Variants in NYNRIN observed in about 807,000 individuals in gnomAD.
The protein encoded by NYNRIN is protein NYNRIN.
NYNRIN carries 86 observed loss-of-function variants against 146.6 expected under a neutral mutation model. That is an observed-to-expected ratio of 0.59 (90% CI 0.49 to 0.70). The LOEUF (loss-of-function observed/expected upper bound fraction) is 0.70. NYNRIN is among the 30% of genes least tolerant of loss of function. The probability of loss-of-function intolerance (pLI) is 0.00; values close to 1 mark genes in which losing one functional copy is unlikely to be tolerated. For missense variants in NYNRIN, 2,191 were observed against 2,377.7 expected, an observed-to-expected ratio of 0.92 and a Z score of 1.63; for synonymous variants, 1,027 against 1,001.3, an observed-to-expected ratio of 1.03 and a Z score of -0.48.
Position 24,407,987 on chromosome 14 carries a change from C to A in NYNRIN, c.317C>A (p.Thr106Asn). The change falls in exon 3 of 9, where the codon ACC (threonine) becomes AAC (asparagine). Residue 106 changes from threonine (T) to asparagine (N), a missense_variant. Thr to Asn is a moderately conservative substitution (Grantham distance 65). Coordinates refer to ENST00000382554, the MANE Select transcript of NYNRIN (RefSeq NM_025081.3). ...TTCCTGGACTGCCTCTGCTGGAGCACCCTTGCCTACCTGGTGCCTGGCCCC... is the reference window on the plus strand; with the variant it reads ...TTCCTGGACTGCCTCTGCTGGAGCAACCTTGCCTACCTGGTGCCTGGCCCC... ...GLFLDCLCWS[T>N]LAYLVPGPPG... The A allele has an allele frequency of 6.2e-7, 1 of 1,614,052 alleles. No homozygotes were observed. The highest frequency in any genetic ancestry group is 8.5e-7 in the Non-Finnish European group (1 of 1,179,896).
Position 24,417,579 on chromosome 14 carries a change from G to C in NYNRIN, c.*133G>C. The stretch of plus-strand genomic sequence containing the variant: ...TTTTGTAGAGAACTTGCTTCATAAA[G>C]CTTTGCTGAATTGCCTTGAACTAGG... On this transcript the variant is annotated 3_prime_UTR_variant, in exon 9 of 9. Transcript: ENST00000382554. The C allele has an allele frequency of 7.9e-7, 1 of 1,272,868 alleles. No homozygotes were observed. The allele number at this position is 1,272,868 out of a possible 1,614,324, so 78.8% of individuals were successfully genotyped here.
rs2042936512 is a variant in NYNRIN, at chr14:24,415,175, GC to G, written c.3427del (p.Arg1143GlufsTer9). 1 of 1,607,964 alleles carries G rather than the reference GC, an allele frequency of 6.2e-7. No individual in the cohort carries two copies. Among genetic ancestry groups the G allele is most frequent in the Non-Finnish European group, 8.5e-7 (1 of 1,179,434 alleles). On this transcript the variant is annotated frameshift_variant, in exon 9 of 9. Transcript: ENST00000382554. LOFTEE classifies it high-confidence loss of function. ...ATGAGGAGGCCTTCCTGGCCCTGAA[GC>G]GAGCCCTGGTGTCTGCCCTCTGCCT... ...EHEEAFLALK[R>X]ALVSALCLMA...
At position 24,416,125 on chromosome 14, in the gene NYNRIN, C is replaced by T. The variant is rs1188878801; in HGVS notation, c.4376C>T (p.Pro1459Leu). The part of the protein sequence containing the change: ...AQGGGQWWSL[P>L]KDVPAPTVSP... ...GGGGGTGGGCAGTGGTGGAGTTTGCCAAAGGATGTGCCAGCCCCTACAGTG... is the reference window on the plus strand; with the variant it reads ...GGGGGTGGGCAGTGGTGGAGTTTGCTAAAGGATGTGCCAGCCCCTACAGTG... Residue 1459 changes from proline (P) to leucine (L), a missense_variant, in exon 9 of 9, where the codon CCA becomes CTA. Coordinates refer to ENST00000382554, the MANE Select transcript of NYNRIN (RefSeq NM_025081.3). The T allele has an allele frequency of 1.9e-6, 3 of 1,613,994 alleles. No individual in the cohort carries two copies. The highest frequency in any genetic ancestry group is 2.7e-5 in the African/African-American group (2 of 75,042).
In NYNRIN at chr14:24,408,033, C is replaced by A; in HGVS notation, c.363C>A (p.Gly121=). 1.2e-6 allele frequency: 2 copies of A among 1,613,970 alleles called. No individual in the cohort carries two copies. The highest frequency in any genetic ancestry group is 1.7e-6 in the Non-Finnish European group (2 of 1,179,886). The change falls in exon 3 of 9, where the codon GGC becomes GGA. Residue 121 remains glycine (G), a synonymous_variant. Coordinates refer to ENST00000382554, the MANE Select transcript of NYNRIN (RefSeq NM_025081.3). ...GCCCCCCTGGCTCCCTGATGGTGGG[C>A]GGGCTGACTGAGTCTTTCATCATGA... ...VPGPPGSLMV[G]GLTESFIMTQ...
Position 24,410,080 on chromosome 14 carries a change from C to G in NYNRIN, c.2286C>G (p.Asn762Lys). The change falls in exon 4 of 9, where the codon AAC becomes AAG. Residue 762 changes from asparagine (N) to lysine (K), a missense_variant. Coordinates refer to ENST00000382554, the MANE Select transcript of NYNRIN (RefSeq NM_025081.3). ...AGCCACCTCGCCACCTGCAAGCGAA[C>G]AGCACAGTGACCAGCTTCCAGAGGT... ...PRQPPRHLQA[N>K]STVTSFQRYH... 6.2e-7 allele frequency: 1 copy of G among 1,614,008 alleles called. No individual in the cohort carries two copies. The highest frequency in any genetic ancestry group is 8.5e-7 in the Non-Finnish European group (1 of 1,179,906).
rs183905931 is a variant in NYNRIN at position 24,411,448 on chromosome 14, T to C, written c.2640T>C (p.Tyr880=). Residue 880 remains tyrosine, a splice_region_variant and synonymous_variant, in exon 6 of 9, where the codon TAT becomes TAC. Transcript: ENST00000382554. The surrounding 1 kb of genome is among the most constrained non-coding windows in gnomAD (Gnocchi z 4.3). ...ENGKKITTYD[Y]RFMVKLAEET... ...GCAAGAAGATCACCACCTACGATTA[T>C]AGGTGTGCCGGTCCCCAGGCCTGCC... is the stretch of plus-strand genomic sequence containing the variant. 2 of 1,613,238 alleles carry C rather than the reference T, an allele frequency of 1.2e-6. No individual in the cohort carries two copies. Among genetic ancestry groups the C allele is most frequent in the Admixed American group, 1.7e-5 (1 of 60,022 alleles).
At chr14:24,406,611 G>A (rs911204339) in intron 2 of NYNRIN, among the ~76,000 whole-genome samples, 7 of 152,246 alleles carry the variant, frequency 4.6e-5, no homozygotes, top group African/African-American at 1.7e-4. Context: ...GGGACACGTA[G>A]GCCTGAGCCG....
intron 7 of NYNRIN, 62 bp from the exon 8 acceptor site, chr14:24,413,254 C>T: frequency 6.6e-7 from 1 of 1,512,228 alleles, no homozygotes. Flanking sequence ...AGCCAGGCGA[C>T]AACAGGGTGT....
In NYNRIN at chr14:24,417,437, G is replaced by A; in HGVS notation, c.5688G>A (p.Leu1896=). ...KSGTPLSFKV[L]EQ ...GCACCCCGCTGTCCTTCAAGGTCTTGGAGCAGTGAGCGGGAGCAGCGGGGG... is the reference window on the plus strand; with the variant it reads ...GCACCCCGCTGTCCTTCAAGGTCTTAGAGCAGTGAGCGGGAGCAGCGGGGG... Residue 1896 remains leucine, a synonymous_variant, in exon 9 of 9, where the codon TTG becomes TTA. Transcript: ENST00000382554. 3 of 1,490,054 alleles carry A rather than the reference G, an allele frequency of 2.0e-6. No homozygotes were observed. The highest frequency in any genetic ancestry group is 2.7e-6 in the Non-Finnish European group (3 of 1,118,670). 92.3% of individuals were successfully genotyped at this position (1,490,054 alleles called of 1,614,324 possible). A position where few individuals can be genotyped will look rare whatever the true frequency, so the allele number is the denominator to read the frequency against.
chr14:24,412,038 G>T (rs529031924), intron 6 of NYNRIN, among the ~76,000 whole-genome samples: 2 of 152,356 alleles, frequency 1.3e-5, no homozygotes, highest in South Asian at 2.1e-4. Flanking sequence ...CATAGTCACT[G>T]GTCCTGGGTT....
chr14:24,418,152 C>G lies in NYNRIN; in HGVS notation c.*706C>G. On this transcript the variant is annotated 3_prime_UTR_variant, in exon 9 of 9. Coordinates refer to ENST00000382554, the MANE Select transcript of NYNRIN (RefSeq NM_025081.3). ...AAGGGCAAGGGGGAAATGGGTTGGC[C>G]TACCTCATTTGACTCCAGCCAATGG... The G allele has an allele frequency of 2.4e-6, 1 of 415,052 alleles. No homozygotes were observed. The highest frequency in any genetic ancestry group is 4.5e-4 in the Middle Eastern group (1 of 2,218). The allele number at this position is 415,052 out of a possible 1,614,324, so 25.7% of individuals were successfully genotyped here. A position where few individuals can be genotyped will look rare whatever the true frequency, so the allele number is the denominator to read the frequency against.
intron 2 of NYNRIN, among the ~76,000 whole-genome samples, chr14:24,404,987 G>T (rs72694393): frequency 0.35 from 51,812 of 147,590 alleles, 10,836 homozygotes; most frequent in Middle Eastern, 0.6. Context: ...GAAGCTACTT[G>T]CCAAGCCTGT....
chr14:24,410,150 G>A lies in NYNRIN; in HGVS notation c.2356G>A (p.Glu786Lys), dbSNP rs377683866. 40 of 1,612,948 alleles carry A rather than the reference G, an allele frequency of 2.5e-5. No individual in the cohort carries two copies. The African/African-American group carries it at 4.0e-4, about 16-fold the overall frequency. ...NTPFELNLSG[E>K]PGNQGLRRVV... ...ACCCTTCGAGCTGAACCTGTCAGGGGAACCTGGAAACCAGGGGTTGCGGCG... is the reference window on the plus strand; with the variant it reads ...ACCCTTCGAGCTGAACCTGTCAGGGAAACCTGGAAACCAGGGGTTGCGGCG... Residue 786 changes from glutamate (E) to lysine (K), a missense_variant, in exon 4 of 9, where the codon GAA becomes AAA. Physicochemically the swap from Glu to Lys is moderately conservative, Grantham distance 56. Around this residue, in one of 3 missense-constraint regions of NYNRIN, gnomAD observed 1,291 missense variants for 1,417.0 expected, o/e 0.91. Coordinates refer to ENST00000382554, the MANE Select transcript of NYNRIN (RefSeq NM_025081.3).
intron 2 of NYNRIN, among the ~76,000 whole-genome samples, chr14:24,407,085 C>T (rs956598900): frequency 1.6e-4 from 24 of 152,268 alleles, no homozygotes; most frequent in African/African-American, 4.6e-4. Flanking sequence ...ACAGGTTGTG[C>T]TAGAGGCATT....
rs1219152000 is a variant in NYNRIN, at chr14:24,417,584, G to T, written c.*138G>T. 14 of 1,244,694 alleles carry T rather than the reference G, an allele frequency of 1.1e-5. No homozygotes were observed. In the East Asian group the frequency reaches 3.5e-4, roughly 31 times the overall value. The allele number at this position is 1,244,694 out of a possible 1,614,324, so 77.1% of individuals were successfully genotyped here. The stretch of plus-strand genomic sequence containing the variant: ...TAGAGAACTTGCTTCATAAAGCTTT[G>T]CTGAATTGCCTTGAACTAGGGACCA... On this transcript the variant is annotated 3_prime_UTR_variant, in exon 9 of 9. Coordinates refer to ENST00000382554, the MANE Select transcript of NYNRIN (RefSeq NM_025081.3).
In NYNRIN at chr14:24,409,142, C is replaced by T; in HGVS notation, c.1348C>T (p.Pro450Ser). ...AGCAGCCCTGCAGAATTGCCCAAGG[C>T]CAGAGATTTCCCCAAAAGTTACGAG... ...GEAALQNCPR[P>S]EISPKVTSLL... Residue 450 changes from proline (P) to serine (S), a missense_variant, in exon 4 of 9, where the codon CCA becomes TCA. This residue lies in a region of NYNRIN where 895 missense variants were observed against 941.2 expected (regional missense o/e 0.95). Coordinates refer to ENST00000382554, the MANE Select transcript of NYNRIN (RefSeq NM_025081.3). 1 of 1,613,940 alleles carries T rather than the reference C, an allele frequency of 6.2e-7. No individual in the cohort carries two copies. Among genetic ancestry groups the T allele is most frequent in the East Asian group, 2.2e-5 (1 of 44,880 alleles).
At chr14:24,410,243 G>A in intron 4 of NYNRIN, 35 bp downstream of exon 4, 1 of 1,517,820 alleles carries the variant, frequency 6.6e-7, no homozygotes, top group Non-Finnish European at 9.0e-7. Flanking sequence ...GGCTGGGGAT[G>A]CTGTGGACCT....
At position 24,408,667 on chromosome 14, in the gene NYNRIN, C is replaced by A. The variant is rs1171796959; in HGVS notation, c.873C>A (p.Asn291Lys). 1.9e-6 allele frequency: 3 copies of A among 1,604,462 alleles called. No homozygotes were observed. The highest frequency in any genetic ancestry group is 2.6e-6 in the Non-Finnish European group (3 of 1,175,886). The change falls in exon 4 of 9, where the codon AAC becomes AAA. Residue 291 changes from asparagine (N) to lysine (K), a missense_variant. Asn to Lys is a moderately conservative substitution (Grantham distance 94, BLOSUM62 0). This residue lies in a region of NYNRIN where 895 missense variants were observed against 941.2 expected (regional missense o/e 0.95). Coordinates refer to ENST00000382554, the MANE Select transcript of NYNRIN (RefSeq NM_025081.3). ...CTTCCTCCAGGGTCGGTTCCAACAA[C>A]CAAGATGGTATGGACAGTGCTCAAG... ...ANQLVRVGSNNQDGMDSAQEE... is the reference protein window; with the variant it reads ...ANQLVRVGSNKQDGMDSAQEE...
At chr14:24,407,617 G>A (rs763900470) in intron 2 of NYNRIN, among the ~76,000 whole-genome samples, 26 of 152,208 alleles carry the variant, frequency 1.7e-4, no homozygotes, top group Non-Finnish European at 3.4e-4. Context: ...GCTGCAACCT[G>A]GGTTCTTTCC....
Sources: allele counts gnomAD v4.1 joint callset (sites outside exome capture counted in the v4.1 genomes callset), GRCh38; gene constraint gnomAD v4.1.1; regional missense constraint gnomAD v4.1.1; non-coding constraint Gnocchi (gnomAD v3.1); transcripts MANE v1.5; gene names NCBI Gene and HGNC (gene_info 2026-07-23, HGNC 2026-07-21).